The following CHCHD6 variants were observed in gnomAD, a reference collection of about 807,000 sequenced individuals.
The protein encoded by CHCHD6 is coiled-coil-helix-coiled-coil-helix domain containing 6.
Under a neutral mutation model 32.3 loss-of-function variants are expected in CHCHD6, and 28 were observed. The observed-to-expected ratio is 0.87, with a 90% confidence interval of 0.64 to 1.19. CHCHD6 has a LOEUF of 1.19. CHCHD6 is among the 50% of genes most tolerant of loss of function. The pLI, the probability that CHCHD6 is intolerant of heterozygous loss-of-function variation, is 0.00. For missense variants in CHCHD6, 333 were observed against 307.0 expected (o/e 1.08, Z -0.63); for synonymous variants, 122 against 117.5 (o/e 1.04, Z -0.25).
At chr3:126,898,688 G>A (rs1318762553) in intron 5 of CHCHD6, among the ~76,000 whole-genome samples, 5 of 152,014 alleles carry the variant, frequency 3.3e-5, no homozygotes, top group Non-Finnish European at 4.4e-5. Context: ...ATAGGCACCC[G>A]TCCCCACGCC....
intron 4 of CHCHD6, among the ~76,000 whole-genome samples, chr3:126,826,433 T>G (rs1203232253): frequency 6.6e-6 from 1 of 152,168 alleles, no homozygotes; most frequent in Non-Finnish European, 1.5e-5. Context: ...TAGCAAGTAT[T>G]CAGTAAGTAG....
intron 4 of CHCHD6, among the ~76,000 whole-genome samples, chr3:126,805,843 C>A (rs1367034142): frequency 1.3e-5 from 2 of 151,870 alleles, no homozygotes; most frequent in African/African-American, 2.4e-5. Flanking sequence ...GGTACTGGTA[C>A]CAAAACAGAG....
chr3:126,769,149 T>C (rs2107676052), intron 4 of CHCHD6, among the ~76,000 whole-genome samples: 1 of 152,364 alleles, frequency 6.6e-6, no homozygotes, highest in African/African-American at 2.4e-5. Flanking sequence ...CAGTATTTTA[T>C]GGTTCTAGGT....
chr3:126,894,315 A>G (rs1370072141), intron 5 of CHCHD6, among the ~76,000 whole-genome samples: 1 of 152,226 alleles, frequency 6.6e-6, no homozygotes, highest in Admixed American at 6.5e-5. Context: ...AGGGCCCACA[A>G]GGGTCTGTGG....
At chr3:126,771,519 G>A (rs1238796759) in intron 4 of CHCHD6, among the ~76,000 whole-genome samples, 3 of 151,932 alleles carry the variant, frequency 2.0e-5, no homozygotes, top group Non-Finnish European at 4.4e-5. Flanking sequence ...CCCTAAAGGG[G>A]GGTTCTCCTC....
chr3:126,865,921 G>A (rs768720050), intron 5 of CHCHD6, among the ~76,000 whole-genome samples: 2 of 152,208 alleles, frequency 1.3e-5, no homozygotes, highest in African/African-American at 2.4e-5. Context: ...GTAGTTGTCT[G>A]TGCCAGGAAC....
intron 5 of CHCHD6, among the ~76,000 whole-genome samples, chr3:126,897,378 G>A (rs1235848873): frequency 2.6e-5 from 4 of 152,236 alleles, no homozygotes; most frequent in Non-Finnish European, 4.4e-5. Flanking sequence ...TGGTGATGCT[G>A]TGGGTTAATG....
In CHCHD6 at chr3:126,732,775, C is replaced by T. The variant is rs77076457; in HGVS notation, c.267-303C>T. On this transcript the variant is annotated intron_variant, in intron 3 of 7. Coordinates refer to ENST00000290913, the MANE Select transcript of CHCHD6 (RefSeq NM_032343.3). ...TGGAGGCAATCCGTGGATTGAGCCC[C>T]TCCCTGAGACTCTCACTGGGCATGG... 1.2e-4 allele frequency among the ~76,000 whole-genome samples: 19 copies of T among 152,338 alleles called. No homozygotes were observed. The East Asian group carries it at 3.1e-3, about 25-fold the overall frequency.
chr3:126,914,789 C>A, intron 6 of CHCHD6, 39 bp downstream of exon 6: 1 of 1,245,352 alleles, frequency 8.0e-7, no homozygotes. Context: ...ACTTGGCCCA[C>A]AATTGTAAAA....
At chr3:126,844,490 T>C (rs1414985110) in intron 4 of CHCHD6, among the ~76,000 whole-genome samples, 1 of 152,244 alleles carries the variant, frequency 6.6e-6, no homozygotes, top group African/African-American at 2.4e-5. Flanking sequence ...ATTTTTTGCC[T>C]TGAATTCTTC....
chr3:126,869,994 G>A (rs934131256), intron 5 of CHCHD6, among the ~76,000 whole-genome samples: 2 of 152,154 alleles, frequency 1.3e-5, no homozygotes, highest in African/African-American at 2.4e-5. Flanking sequence ...TCCCCAGCTG[G>A]CGATGGCTTA....
chr3:126,815,646 C>G (rs879770168), intron 4 of CHCHD6, among the ~76,000 whole-genome samples: 1,607 of 115,194 alleles, frequency 0.014, 44 homozygotes, highest in African/African-American at 0.04. Context: ...GGTTCTTGCC[C>G]CCCCCCCCCC....
At chr3:126,910,273 G>GAAAAAAAAAAAAAAAAAAAAAAAA (rs547565601) in intron 5 of CHCHD6, among the ~76,000 whole-genome samples, 9 of 111,438 alleles carry the variant, frequency 8.1e-5, no homozygotes, top group Non-Finnish European at 1.5e-4. Context: ...CCTGCCTCAG[G>GAAAAAAAAAAAAAAAAAAAAAAAA]AAAAAAAAAA....
chr3:126,878,244 A>G (rs904526214), intron 5 of CHCHD6, among the ~76,000 whole-genome samples: 1 of 152,266 alleles, frequency 6.6e-6, no homozygotes, highest in Non-Finnish European at 1.5e-5. Context: ...GTGAAGACAC[A>G]TCAGTAGTAG....
In CHCHD6 at chr3:126,814,220, G is replaced by A. The variant is rs575533555; in HGVS notation, c.412-38427G>A. ...CACAGTTTATTTTAAAAGCGTTGGC[G>A]GTAACTCTTTGTCATCACTTCTGTT... On this transcript the variant is annotated intron_variant, in intron 4 of 7. Coordinates refer to ENST00000290913, the MANE Select transcript of CHCHD6 (RefSeq NM_032343.3). Among the ~76,000 whole-genome samples, 7 of 152,248 alleles carry A rather than the reference G, an allele frequency of 4.6e-5. No individual in the cohort carries two copies. The South Asian group carries it at 1.0e-3, about 23-fold the overall frequency.
At chr3:126,874,702 G>A (rs1039717757) in intron 5 of CHCHD6, among the ~76,000 whole-genome samples, 5 of 152,036 alleles carry the variant, frequency 3.3e-5, no homozygotes, top group South Asian at 2.1e-4. Context: ...ATACTGCCCC[G>A]TCATCTGTTA....
chr3:126,838,507 A>G (rs760542592), intron 4 of CHCHD6, among the ~76,000 whole-genome samples: 3 of 152,288 alleles, frequency 2.0e-5, no homozygotes, highest in East Asian at 1.9e-4. Context: ...TTTGATGTCA[A>G]TGAAGGAAGG....
chr3:126,914,708 A>C lies in CHCHD6; in HGVS notation c.524A>C (p.Glu175Ala). The C allele has an allele frequency of 6.3e-7, 1 of 1,598,052 alleles. No homozygotes were observed. Among genetic ancestry groups the C allele is most frequent in the South Asian group, 1.1e-5 (1 of 90,750 alleles). Residue 175 changes from glutamate (E) to alanine (A), a missense_variant, in exon 6 of 8, where the codon GAG becomes GCG. Coordinates refer to ENST00000290913, the MANE Select transcript of CHCHD6 (RefSeq NM_032343.3). ...KNAEMYKLSSEQFHEAASKME... is the reference protein window; with the variant it reads ...KNAEMYKLSSAQFHEAASKME... ...GCTGAGATGTATAAACTGTCTTCAG[A>C]GCAATTCCATGAGGCAGCCTCAAAG...
intron 5 of CHCHD6, among the ~76,000 whole-genome samples, chr3:126,879,164 C>A (rs1434298991): frequency 6.6e-6 from 1 of 152,170 alleles, no homozygotes; most frequent in Non-Finnish European, 1.5e-5. Flanking sequence ...TTGCATAATG[C>A]CACTTTTGCC....
Sources: allele counts gnomAD v4.1 joint callset (sites outside exome capture counted in the v4.1 genomes callset), GRCh38; gene constraint gnomAD v4.1.1; transcripts MANE v1.5; gene names NCBI Gene and HGNC (gene_info 2026-07-23, HGNC 2026-07-21).